CRACD: variants seen among roughly 807,000 people sequenced by gnomAD.
CRACD encodes capping protein inhibiting regulator of actin dynamics.
In CRACD, 56 loss-of-function variants were observed where a neutral mutation model predicts 106.8. The ratio of observed to expected loss-of-function variants is 0.52; its 90% confidence interval spans 0.42 to 0.66. CRACD has a LOEUF of 0.66. CRACD is among the 30% of genes least tolerant of loss of function. The probability of loss-of-function intolerance (pLI) is 0.00; values close to 1 mark genes in which losing one functional copy is unlikely to be tolerated. For missense variants in CRACD, 1,730 were observed against 1,623.2 expected, an observed-to-expected ratio of 1.07 and a Z score of -1.13; for synonymous variants, 754 against 670.8, an observed-to-expected ratio of 1.12 and a Z score of -1.92.
chr4:56,177,868 T>C (rs527942559), intron 1 of CRACD, among the ~76,000 whole-genome samples: 3 of 152,258 alleles, frequency 2.0e-5, no homozygotes, highest in African/African-American at 7.2e-5. Context: ...TTCTTTTCTG[T>C]CTCTGATTTT....
At chr4:56,163,377 T>TA (rs1736025901) in intron 1 of CRACD, among the ~76,000 whole-genome samples, 1 of 152,214 alleles carries the variant, frequency 6.6e-6, no homozygotes, top group Non-Finnish European at 1.5e-5. Context: ...ATGGTTTGTG[T>TA]AAAATATTTT....
rs150180751 is a variant in CRACD at position 56,280,834 on chromosome 4, C to T, written c.-17+8342C>T. Among the ~76,000 whole-genome samples the T allele has an allele frequency of 9.7e-4, 148 of 152,310 alleles. 1 individual carries two copies. The highest frequency in any genetic ancestry group is 6.8e-3 in the Middle Eastern group (2 of 294). On this transcript the variant is annotated intron_variant, in intron 3 of 10. Transcript: ENST00000682029. ...TGAAGTTATACTGAAGTGCAGGCTC[C>T]CTGCTTACCGTTGTTTGCATTGATT... is the stretch of plus-strand genomic sequence containing the variant.
chr4:56,302,793 T>C (rs1002246055), intron 4 of CRACD, among the ~76,000 whole-genome samples: 2 of 152,248 alleles, frequency 1.3e-5, no homozygotes, highest in Non-Finnish European at 2.9e-5. Flanking sequence ...GGCAGAGAGC[T>C]GCAGAATATG....
chr4:56,283,335 G>A (rs1191480404), intron 3 of CRACD, among the ~76,000 whole-genome samples: 1 of 152,214 alleles, frequency 6.6e-6, no homozygotes, highest in Non-Finnish European at 1.5e-5. Context: ...GAAGCATAGT[G>A]TGGTAGCTGT....
At chr4:56,199,737 C>T (rs1227019281) in intron 2 of CRACD, among the ~76,000 whole-genome samples, 3 of 151,268 alleles carry the variant, frequency 2.0e-5, no homozygotes, top group African/African-American at 4.9e-5. Flanking sequence ...TTTCTTTATG[C>T]CCTTAGTTTG....
intron 2 of CRACD, among the ~76,000 whole-genome samples, chr4:56,253,602 G>A (rs903927374): frequency 1.3e-5 from 2 of 152,234 alleles, no homozygotes; most frequent in Admixed American, 1.3e-4. Context: ...CACTGTTCAT[G>A]GACTCAGCCA....
chr4:56,224,833 A>G (rs1427778120), intron 2 of CRACD, among the ~76,000 whole-genome samples: 4 of 152,222 alleles, frequency 2.6e-5, no homozygotes, highest in African/African-American at 9.6e-5. Context: ...CTCTTCCAGC[A>G]CAAGACTGCT....
chr4:56,075,322 C>G (rs754761169), intron 1 of CRACD, among the ~76,000 whole-genome samples: 56 of 152,032 alleles, frequency 3.7e-4, no homozygotes, highest in Non-Finnish European at 7.5e-4. Flanking sequence ...GACCTGGGCT[C>G]TTTTTTGGTT....
intron 4 of CRACD, among the ~76,000 whole-genome samples, chr4:56,300,282 G>A (rs1259132444): frequency 1.3e-5 from 2 of 152,222 alleles, no homozygotes; most frequent in Non-Finnish European, 2.9e-5. Flanking sequence ...CAGGGAAGTA[G>A]CCAAGAGACC....
chr4:56,291,589 G>C (rs1743707562), intron 3 of CRACD, among the ~76,000 whole-genome samples: 1 of 152,160 alleles, frequency 6.6e-6, no homozygotes, highest in African/African-American at 2.4e-5. Context: ...TTTGGAGCTG[G>C]AACTGGTAAC....
intron 2 of CRACD, chr4:56,246,646 G>T (rs1281984370): frequency 6.6e-6 from 1 of 152,244 alleles, no homozygotes; most frequent in Non-Finnish European, 1.5e-5. Context: ...TCTGAGGGGG[G>T]ATAATTTACC....
In CRACD at chr4:56,246,090, C is replaced by A. The variant is rs77303373; in HGVS notation, c.-188-26231C>A. 3.2e-3 allele frequency among the ~76,000 whole-genome samples: 485 copies of A among 152,190 alleles called. 4 individuals carry two copies. The highest frequency in any genetic ancestry group is 0.011 in the African/African-American group (459 of 41,540). The stretch of plus-strand genomic sequence containing the variant: ...GGGTACCTAAGGCTGTGATTTTGAG[C>A]CCCAACCTACTGGCCTGTGCTCTCA... On this transcript the variant is annotated intron_variant, in intron 2 of 10. Transcript: ENST00000682029.
chr4:56,148,531 C>T (rs1446822021), intron 1 of CRACD, among the ~76,000 whole-genome samples: 1 of 151,908 alleles, frequency 6.6e-6, no homozygotes, highest in Non-Finnish European at 1.5e-5. Flanking sequence ...TGGCCTTAAG[C>T]AGTCCCCTGC....
At chr4:56,071,701 G>A (rs1317661912) in intron 1 of CRACD, among the ~76,000 whole-genome samples, 1 of 151,962 alleles carries the variant, frequency 6.6e-6, no homozygotes, top group Non-Finnish European at 1.5e-5. Context: ...AGTAGAGACA[G>A]GGTTTCACCA....
At chr4:56,318,050 G>A (rs1015834480) in intron 8 of CRACD, among the ~76,000 whole-genome samples, 2 of 152,170 alleles carry the variant, frequency 1.3e-5, no homozygotes, top group Non-Finnish European at 2.9e-5. Context: ...CTTTGTTCAA[G>A]TATTTAGATT....
At chr4:56,080,490 A>G (rs1311510050) in intron 1 of CRACD, among the ~76,000 whole-genome samples, 1 of 152,254 alleles carries the variant, frequency 6.6e-6, no homozygotes, top group African/African-American at 2.4e-5. Context: ...CACGTCTGCC[A>G]GGAAGTACTA....
chr4:56,125,106 T>C (rs1734614983), intron 1 of CRACD, among the ~76,000 whole-genome samples: 1 of 152,214 alleles, frequency 6.6e-6, no homozygotes, highest in African/African-American at 2.4e-5. Context: ...GATACTTTCA[T>C]AGTAAAGAAG....
chr4:56,246,848 T>C (rs1006876255), intron 2 of CRACD: 1 of 152,128 alleles, frequency 6.6e-6, no homozygotes, highest in African/African-American at 2.4e-5. Context: ...ATGGCAGCAG[T>C]TTTCTAAGAC....
chr4:56,292,617 C>T (rs566795322), intron 3 of CRACD, among the ~76,000 whole-genome samples: 5 of 152,130 alleles, frequency 3.3e-5, no homozygotes, highest in Admixed American at 1.3e-4. Context: ...CTCCACCTCC[C>T]GGGTTCACAC....
Sources: gnomAD v4.1 joint callset for allele counts (sites outside exome capture counted in the v4.1 genomes callset) on GRCh38, gnomAD v4.1.1 for gene constraint, MANE v1.5 for transcripts, NCBI Gene and HGNC (gene_info 2026-07-23, HGNC 2026-07-21) for gene names.